The following PARP9 variants were observed in gnomAD, a reference collection of about 807,000 sequenced individuals.
PARP9 encodes the protein protein mono-ADP-ribosyltransferase PARP9.
Under a neutral mutation model 68.8 loss-of-function variants are expected in PARP9, and 48 were observed. The observed-to-expected ratio is 0.70, with a 90% CI of 0.55 to 0.89. PARP9 has a LOEUF of 0.89. Among genes scored for constraint, PARP9 ranks in the 40% least tolerant of loss-of-function variants. The pLI is 0.00. For synonymous variants in PARP9, 309 were observed against 333.8 expected, an observed-to-expected ratio of 0.93 and a Z score of 0.81; for missense variants, 806 against 969.3, an observed-to-expected ratio of 0.83 and a Z score of 2.24.
At chr3:122,538,237 T>G (rs1004402553) in intron 8 of PARP9, among the ~76,000 whole-genome samples, 2 of 152,154 alleles carry the variant, frequency 1.3e-5, no homozygotes, top group East Asian at 1.9e-4. Context: ...TCAGTTTACT[T>G]GAGTTCAACA....
Position 122,550,748 on chromosome 3 carries a change from T to A in PARP9, c.1162A>T (p.Thr388Ser). 6.2e-7 allele frequency: 1 copy of A among 1,614,126 alleles called. No homozygotes were observed. Among genetic ancestry groups the A allele is most frequent in the South Asian group, 1.1e-5 (1 of 91,080 alleles). The change falls in exon 6 of 11, where the codon ACT becomes TCT. Residue 388 changes from threonine to serine, a missense_variant. Coordinates refer to ENST00000682323, the MANE Select transcript of PARP9 (RefSeq NM_001146105.2). ...CCAAGGGCAGGAAAGGAAATGGAAG[T>A]TATATTTTGCTCAATGCATTTTTCC... ...CLEKCIEQNI[T>S]SISFPALGTG...
chr3:122,564,482 G>T (rs147040203), upstream of PARP9: 79 of 1,612,634 alleles, frequency 4.9e-5, no homozygotes, highest in Non-Finnish European at 4.8e-5. Flanking sequence ...TACAAGTCCG[G>T]CCCCCGAGTA....
rs2080493944 is a variant in PARP9, at chr3:122,564,241, T to C, written c.-90+4A>G. ...GAGGGCCCAGAGGCACCGGACCTACTCACCCGGCAGGCCGCTCTCCTCGGT... is the reference window on the plus strand; with the variant it reads ...GAGGGCCCAGAGGCACCGGACCTACCCACCCGGCAGGCCGCTCTCCTCGGT... On this transcript the variant is annotated splice_donor_region_variant and intron_variant, in intron 1 of 10. Coordinates refer to ENST00000682323, the MANE Select transcript of PARP9 (RefSeq NM_001146105.2). The C allele has an allele frequency of 3.0e-6, 2 of 661,828 alleles. No individual in the cohort carries two copies. The highest frequency in any genetic ancestry group is 1.9e-5 in the African/African-American group (1 of 51,652). 41.0% of individuals were successfully genotyped at this position (661,828 alleles called of 1,614,324 possible). A position where few individuals can be genotyped will look rare whatever the true frequency, so the allele number is the denominator to read the frequency against.
intron 6 of PARP9, among the ~76,000 whole-genome samples, chr3:122,546,968 CTATATA>C (rs57337681): frequency 0.031 from 2,192 of 69,838 alleles, 51 homozygotes; most frequent in African/African-American, 0.057. Context: ...ATACATGGCA[CTATATA>C]TATATATATA....
At chr3:122,544,231 T>A (rs867688836) in intron 7 of PARP9, among the ~76,000 whole-genome samples, 1 of 152,196 alleles carries the variant, frequency 6.6e-6, no homozygotes, top group African/African-American at 2.4e-5. Flanking sequence ...ATCTCATTCA[T>A]GAAGCCATTC....
At chr3:122,530,920 A>G (rs2077263404) in intron 10 of PARP9, among the ~76,000 whole-genome samples, 1 of 152,182 alleles carries the variant, frequency 6.6e-6, no homozygotes, top group Admixed American at 6.5e-5. Flanking sequence ...AAAATTAGTC[A>G]GGTATTGTGC....
intron 9 of PARP9, 74 bp from the exon 10 acceptor site, chr3:122,536,416 A>G (rs1253338808): frequency 6.5e-7 from 1 of 1,546,136 alleles, no homozygotes; most frequent in East Asian, 2.3e-5. Flanking sequence ...ATACTGCTTC[A>G]AAAATAAAGG....
chr3:122,530,356 C>T (rs1195631270), intron 10 of PARP9, among the ~76,000 whole-genome samples: 1 of 152,030 alleles, frequency 6.6e-6, no homozygotes, highest in East Asian at 1.9e-4. Flanking sequence ...GGCACAATAC[C>T]TCATGAAGAA....
In PARP9 at chr3:122,555,581, T is replaced by C. The variant is rs1189241689; in HGVS notation, c.590A>G (p.Lys197Arg). The change falls in exon 4 of 11, where the codon AAG (lysine) becomes AGG (arginine). Residue 197 changes from lysine to arginine, a missense_variant. Coordinates refer to ENST00000682323, the MANE Select transcript of PARP9 (RefSeq NM_001146105.2). ...GCTCAAGGCTGGAATTGCTACTGTC[T>C]TAATGTGAGTATTTTTATAGATGAC... ...NYVIYKNTHI[K>R]TVAIPALSSG... The C allele has an allele frequency of 2.4e-5, 38 of 1,614,032 alleles. No homozygotes were observed. The highest frequency in any genetic ancestry group is 3.2e-5 in the Non-Finnish European group (38 of 1,180,026).
rs1045790196 is a variant in PARP9 at position 122,540,587 on chromosome 3, C to A, written c.1650G>T (p.Glu550Asp). ...EIISPGRTEL[E>D]IEGARADLIE... ...TGAGGTCAGCCCGGGCTCCTTCAAT[C>A]TCTAACTCTGTCCTTCCTGGGCTGA... Residue 550 changes from glutamate to aspartate, a missense_variant, in exon 8 of 11, where the codon GAG (glutamate) becomes GAT (aspartate). Around this residue, in one of 2 missense-constraint regions of PARP9, gnomAD observed 680 missense variants for 858.8 expected, o/e 0.79. Coordinates refer to ENST00000682323, the MANE Select transcript of PARP9 (RefSeq NM_001146105.2). 6.2e-7 allele frequency: 1 copy of A among 1,614,198 alleles called. No individual in the cohort carries two copies. The highest frequency in any genetic ancestry group is 1.7e-5 in the Admixed American group (1 of 60,024).
Position 122,528,359 on chromosome 3 carries a change from A to T in PARP9, c.*5T>A. 6.2e-7 allele frequency: 1 copy of T among 1,609,120 alleles called. No individual in the cohort carries two copies. The highest frequency in any genetic ancestry group is 8.5e-7 in the Non-Finnish European group (1 of 1,177,068). ...GCCATACCAGCTGTTAAAATGATGTAGAGATTAATCAACAGGGCTGCCACT... is the reference window on the plus strand; with the variant it reads ...GCCATACCAGCTGTTAAAATGATGTTGAGATTAATCAACAGGGCTGCCACT... On this transcript the variant is annotated 3_prime_UTR_variant, in exon 11 of 11. Transcript: ENST00000682323.
intron 10 of PARP9, chr3:122,533,922 C>T (rs1352227409): frequency 6.1e-6 from 6 of 985,320 alleles, no homozygotes; most frequent in African/African-American, 3.5e-5. Flanking sequence ...AGCTTTTGTA[C>T]TCCAAATAAC....
chr3:122,560,903 A>T (rs1379590804), intron 1 of PARP9, among the ~76,000 whole-genome samples: 1 of 152,152 alleles, frequency 6.6e-6, no homozygotes, highest in Non-Finnish European at 1.5e-5. Context: ...TTTTGCTTTA[A>T]ATGTTGCACC....
In PARP9 at chr3:122,537,082, G is replaced by A. The variant is rs766133885; in HGVS notation, c.1766-9C>T. The stretch of plus-strand genomic sequence containing the variant: ...CTGAATAGTCCACTGTCCTAAAAAT[G>A]AGTAACACAAAAACTTTACTTCAAT... On this transcript the variant is annotated splice_polypyrimidine_tract_variant and intron_variant, in intron 8 of 10. Coordinates refer to ENST00000682323, the MANE Select transcript of PARP9 (RefSeq NM_001146105.2). 6.3e-7 allele frequency: 1 copy of A among 1,596,774 alleles called. No individual in the cohort carries two copies. Among genetic ancestry groups the A allele is most frequent in the South Asian group, 1.1e-5 (1 of 87,360 alleles).
Position 122,528,605 on chromosome 3 carries a change from T to C in PARP9, c.2219A>G (p.His740Arg). 1 of 1,614,198 alleles carries C rather than the reference T, an allele frequency of 6.2e-7. No individual in the cohort carries two copies. Among genetic ancestry groups the C allele is most frequent in the East Asian group, 2.2e-5 (1 of 44,880 alleles). Residue 740 changes from histidine to arginine, a missense_variant, in exon 11 of 11, where the codon CAT becomes CGT. Around this residue, in one of 2 missense-constraint regions of PARP9, gnomAD observed 680 missense variants for 858.8 expected, o/e 0.79. Coordinates refer to ENST00000682323, the MANE Select transcript of PARP9 (RefSeq NM_001146105.2). ...TGGTGGGGGAACAATATTTAACGGA[T>C]GTCCCTGGCAGAAGAAGCCTGTGAG... ...EVLTGFFCQG[H>R]PLNIVPPPLS...
At position 122,555,740 on chromosome 3, in the gene PARP9, T is replaced by C; in HGVS notation, c.431A>G (p.Glu144Gly). 1.9e-6 allele frequency: 3 copies of C among 1,613,984 alleles called. No individual in the cohort carries two copies. Among genetic ancestry groups the C allele is most frequent in the Non-Finnish European group, 2.5e-6 (3 of 1,179,998 alleles). Residue 144 changes from glutamate (E) to glycine (G), a missense_variant, in exon 4 of 11, where the codon GAG becomes GGG. Coordinates refer to ENST00000682323, the MANE Select transcript of PARP9 (RefSeq NM_001146105.2). ...CCTCCCTGCTCCCGTGACAGCTATC[T>C]CACCAGCTGACACTTTACCATATCT... ...VARYGKVSAG[E>G]IAVTGAGRLP...
chr3:122,556,205 T>C, intron 3 of PARP9, 84 bp from the exon 4 acceptor site: 2 of 900,332 alleles, frequency 2.2e-6, no homozygotes, highest in African/African-American at 1.9e-5. Context: ...TCCCACTTCA[T>C]ACCAGGAGAC....
rs1372960049 is a variant in PARP9, at chr3:122,555,896, A to T, written c.275T>A (p.Leu92His). The change falls in exon 4 of 11, where the codon CTC (leucine) becomes CAC (histidine). Residue 92 changes from leucine (L) to histidine (H), a missense_variant. Physicochemically the swap from Leu to His is moderately conservative, Grantham distance 99. This residue lies in a region of PARP9 where 126 missense variants were observed against 110.5 expected (regional missense o/e 1.14). Coordinates refer to ENST00000682323, the MANE Select transcript of PARP9 (RefSeq NM_001146105.2). Reference sequence around the variant, plus strand: ...CACAGCATCAACAGCATGTGTGGTGAGGTCATCTTTCCAGACTGATAACTC... The same window carrying T: ...CACAGCATCAACAGCATGTGTGGTGTGGTCATCTTTCCAGACTGATAACTC... Reference protein sequence around the residue: ...RIELSVWKDDLTTHAVDAVVN... With the variant: ...RIELSVWKDDHTTHAVDAVVN... 6.2e-7 allele frequency: 1 copy of T among 1,614,104 alleles called. No homozygotes were observed. The highest frequency in any genetic ancestry group is 1.7e-5 in the Admixed American group (1 of 60,004).
In PARP9 at chr3:122,547,929, T is replaced by C. The variant is rs150489705; in HGVS notation, c.1327-2440A>G. 4.1e-3 allele frequency among the ~76,000 whole-genome samples: 627 copies of C among 152,298 alleles called. 3 individuals carry two copies. Among genetic ancestry groups the C allele is most frequent in the African/African-American group, 0.014 (599 of 41,552 alleles). The stretch of plus-strand genomic sequence containing the variant: ...CTATCTGGGCTTAGAGATAATCCTC[T>C]GCATGGGAAACTGATGAACTTCATC... On this transcript the variant is annotated intron_variant, in intron 6 of 10. Transcript: ENST00000682323.
Sources: gnomAD v4.1 joint callset for allele counts (sites outside exome capture counted in the v4.1 genomes callset) on GRCh38, gnomAD v4.1.1 for gene constraint, gnomAD v4.1.1 regional missense constraint, MANE v1.5 for transcripts, NCBI Gene and HGNC (gene_info 2026-07-23, HGNC 2026-07-21) for gene names.